PPP1R12B: variants seen among roughly 807,000 people sequenced by gnomAD.
PPP1R12B encodes myosin phosphatase target subunit 2.
PPP1R12B carries 76 observed loss-of-function variants against 126.1 expected under a neutral mutation model. That is an observed-to-expected ratio of 0.60 (90% CI 0.50 to 0.73). The LOEUF (loss-of-function observed/expected upper bound fraction) is 0.73. Ranked by LOEUF, PPP1R12B falls within the 30% of genes least tolerant of loss-of-function variation. The pLI is 0.00. For missense variants in PPP1R12B, 1,052 were observed against 1,205.1 expected, an observed-to-expected ratio of 0.87 and a Z score of 1.88; for synonymous variants, 356 against 434.7, an observed-to-expected ratio of 0.82 and a Z score of 2.25.
chr1:202,479,117 T>A (rs1480104613), intron 13 of PPP1R12B, among the ~76,000 whole-genome samples: 2 of 152,192 alleles, frequency 1.3e-5, no homozygotes, highest in African/African-American at 2.4e-5. Flanking sequence ...TTAATTTTTT[T>A]AGTTCACTCA....
chr1:202,519,127 A>C (rs1682480496), intron 18 of PPP1R12B, among the ~76,000 whole-genome samples: 1 of 152,142 alleles, frequency 6.6e-6, no homozygotes, highest in African/African-American at 2.4e-5. Flanking sequence ...AATCTGAATC[A>C]GTTTGGTTTT....
chr1:202,352,251 A>C (rs1177420740), intron 1 of PPP1R12B, among the ~76,000 whole-genome samples: 1 of 152,108 alleles, frequency 6.6e-6, no homozygotes, highest in African/African-American at 2.4e-5. Flanking sequence ...TAGTACTTTA[A>C]ATTTTTTCTT....
chr1:202,497,467 C>T (rs1364012687), intron 18 of PPP1R12B, among the ~76,000 whole-genome samples: 1 of 152,180 alleles, frequency 6.6e-6, no homozygotes, highest in Non-Finnish European at 1.5e-5. Flanking sequence ...AATACATGTG[C>T]TTTTCTATTG....
rs1267571345 is a variant in PPP1R12B at position 202,493,291 on chromosome 1, C to T, written c.2119C>T (p.Pro707Ser). ...PATEAGEGQQPWGRSLDEEPI... is the reference protein window; with the variant it reads ...PATEAGEGQQSWGRSLDEEPI... ...AACAGAAGCTGGGGAGGGCCAGCAG[C>T]CCTGGGGCAGGAGTCTGGATGAAGA... The change falls in exon 15 of 24, where the codon CCC (proline) becomes TCC (serine). Residue 707 changes from proline to serine, a missense_variant. By Grantham distance (74) the Pro-to-Ser change is moderately conservative. Coordinates refer to ENST00000608999, the MANE Select transcript of PPP1R12B (RefSeq NM_002481.4). 2 of 1,612,484 alleles carry T rather than the reference C, an allele frequency of 1.2e-6. No homozygotes were observed. Among genetic ancestry groups the T allele is most frequent in the Non-Finnish European group, 1.7e-6 (2 of 1,179,800 alleles).
At chr1:202,489,418 T>C in intron 14 of PPP1R12B, among the ~76,000 whole-genome samples, 1 of 152,210 alleles carries the variant, frequency 6.6e-6, no homozygotes. Context: ...TATAGGTGTT[T>C]GTAATAGTAT....
chr1:202,444,894 C>G (rs1672052478), intron 12 of PPP1R12B, among the ~76,000 whole-genome samples: 1 of 152,198 alleles, frequency 6.6e-6, no homozygotes, highest in Non-Finnish European at 1.5e-5. Flanking sequence ...TGACTCAGCT[C>G]TAGCTGGAGT....
At chr1:202,533,661 C>T (rs1684239614) in intron 18 of PPP1R12B, among the ~76,000 whole-genome samples, 1 of 151,988 alleles carries the variant, frequency 6.6e-6, no homozygotes, top group African/African-American at 2.4e-5. Context: ...CATATATGTC[C>T]CTCAGTTTAG....
rs1285813355 is a variant in PPP1R12B at position 202,585,019 on chromosome 1, A to AG, written c.*4460dup. 2 of 152,262 alleles carry AG rather than the reference A, an allele frequency of 1.3e-5. No individual in the cohort carries two copies. Among genetic ancestry groups the AG allele is most frequent in the African/African-American group, 2.4e-5 (1 of 41,444 alleles). 9.4% of individuals were successfully genotyped at this position (152,262 alleles called of 1,614,324 possible). ...AGGCCCAGTTATTACTACAAATCTT[A>AG]GTCACCATACTCTCTCGCCCAGGCT... On this transcript the variant is annotated 3_prime_UTR_variant, in exon 24 of 24. Coordinates refer to ENST00000608999, the MANE Select transcript of PPP1R12B (RefSeq NM_002481.4).
intron 1 of PPP1R12B, among the ~76,000 whole-genome samples, chr1:202,351,716 T>A (rs1183340760): frequency 1.3e-5 from 2 of 152,252 alleles, no homozygotes; most frequent in Non-Finnish European, 2.9e-5. Flanking sequence ...ACGATATAAA[T>A]TATCTGGATA....
At chr1:202,427,229 G>T (rs754167650) in intron 5 of PPP1R12B, 45 bp downstream of exon 5, 5 of 1,607,564 alleles carry the variant, frequency 3.1e-6, no homozygotes. Flanking sequence ...ATTGGTGGCT[G>T]GGTCTCTAGA....
chr1:202,578,935 A>C (rs1233183036), intron 23 of PPP1R12B, among the ~76,000 whole-genome samples: 1 of 152,226 alleles, frequency 6.6e-6, no homozygotes, highest in Non-Finnish European at 1.5e-5. Context: ...GTGTAATAAA[A>C]GAATGATCTT....
chr1:202,537,945 C>G (rs1684718777), intron 18 of PPP1R12B, among the ~76,000 whole-genome samples: 1 of 152,158 alleles, frequency 6.6e-6, no homozygotes, highest in Non-Finnish European at 1.5e-5. Flanking sequence ...TAATATACAT[C>G]ATATAAGATC....
At position 202,446,250 on chromosome 1, in the gene PPP1R12B, A is replaced by AT. The variant is rs1219174832; in HGVS notation, c.1668-2738dup. Among the ~76,000 whole-genome samples, 360 of 61,486 alleles carry AT rather than the reference A, an allele frequency of 5.9e-3. 3 individuals carry two copies. Among genetic ancestry groups the AT allele is most frequent in the African/African-American group, 0.032 (351 of 11,084 alleles). The allele number at this position is 61,486 out of a possible 152,430, so 40.3% of individuals were successfully genotyped here. ...TCTCTCTCTCTCTATATATATATAT[A>AT]TATATATTTTTTTTTTTTTTTGAGA... On this transcript the variant is annotated intron_variant, in intron 12 of 23. Coordinates refer to ENST00000608999, the MANE Select transcript of PPP1R12B (RefSeq NM_002481.4).
At chr1:202,372,671 G>C (rs748769534) in intron 1 of PPP1R12B, among the ~76,000 whole-genome samples, 3 of 151,962 alleles carry the variant, frequency 2.0e-5, no homozygotes, top group Non-Finnish European at 4.4e-5. Flanking sequence ...TACTTGGGAG[G>C]CTGAGGTAGG....
At chr1:202,450,214 G>T (rs972094484) in intron 13 of PPP1R12B, among the ~76,000 whole-genome samples, 5 of 152,166 alleles carry the variant, frequency 3.3e-5, no homozygotes, top group Non-Finnish European at 7.4e-5. Context: ...AATTTGAGAA[G>T]AATACCAGAA....
At chr1:202,518,508 A>G (rs955226948) in intron 18 of PPP1R12B, among the ~76,000 whole-genome samples, 6 of 152,218 alleles carry the variant, frequency 3.9e-5, no homozygotes, top group Non-Finnish European at 5.9e-5. Flanking sequence ...ATAGTATAGT[A>G]ACTTGGATAA....
At chr1:202,551,178 T>C (rs550737475) in intron 18 of PPP1R12B, among the ~76,000 whole-genome samples, 36 of 152,354 alleles carry the variant, frequency 2.4e-4, no homozygotes, top group East Asian at 3.9e-4. Flanking sequence ...CAATCTGGCA[T>C]ATGAGATTTT....
At chr1:202,548,808 C>A (rs705749) in intron 18 of PPP1R12B, among the ~76,000 whole-genome samples, 5,917 of 72,496 alleles carry the variant, frequency 0.082, 232 homozygotes, top group Non-Finnish European at 0.091. Context: ...CTCTCTCTCT[C>A]TATATATATA....
In PPP1R12B at chr1:202,580,592, G is replaced by C. The variant is rs777592496; in HGVS notation, c.*32G>C. 4.5e-6 allele frequency: 7 copies of C among 1,564,110 alleles called. No individual in the cohort carries two copies. The South Asian group carries it at 7.8e-5, about 17-fold the overall frequency. ...CTCCAGATTTATGAGGAAAGAAAGG[G>C]ACAGCATTTGCTGCCCCCACCCCTC... On this transcript the variant is annotated 3_prime_UTR_variant, in exon 24 of 24. Coordinates refer to ENST00000608999, the MANE Select transcript of PPP1R12B (RefSeq NM_002481.4).
Sources: allele counts gnomAD v4.1 joint callset (sites outside exome capture counted in the v4.1 genomes callset), GRCh38; gene constraint gnomAD v4.1.1; transcripts MANE v1.5; gene names NCBI Gene and HGNC (gene_info 2026-07-23, HGNC 2026-07-21).